Variants in DENND1B observed in about 807,000 individuals in gnomAD.
The protein encoded by DENND1B is DENN domain-containing protein 1B.
A neutral mutation model predicts 90.1 loss-of-function variants in DENND1B; 59 were observed. That is an observed-to-expected ratio of 0.65 (90% CI 0.53 to 0.81). The LOEUF (loss-of-function observed/expected upper bound fraction) is 0.81. Among genes scored for constraint, DENND1B ranks in the 40% least tolerant of loss-of-function variants. The probability of loss-of-function intolerance (pLI) is 0.00; values close to 1 mark genes in which losing one functional copy is unlikely to be tolerated. For synonymous variants in DENND1B, 337 were observed against 324.6 expected (o/e 1.04, Z -0.41); for missense variants, 862 against 912.6 (o/e 0.94, Z 0.71).
At chr1:197,627,973 G>T (rs1404959603) in intron 10 of DENND1B, among the ~76,000 whole-genome samples, 1 of 152,134 alleles carries the variant, frequency 6.6e-6, no homozygotes, top group Non-Finnish European at 1.5e-5. Context: ...TACAAGGGAT[G>T]TGAAGGACCT....
intron 20 of DENND1B, among the ~76,000 whole-genome samples, chr1:197,516,820 T>C (rs1197351107): frequency 6.6e-6 from 1 of 151,630 alleles, no homozygotes; most frequent in East Asian, 1.9e-4. Flanking sequence ...GGACCTGAAA[T>C]GTAAATGACT....
chr1:197,719,442 AAGAGG>A (rs1450923851), intron 2 of DENND1B, among the ~76,000 whole-genome samples: 1 of 152,156 alleles, frequency 6.6e-6, no homozygotes, highest in African/African-American at 2.4e-5. Context: ...GGAAAAAGAG[AAGAGG>A]AAAGACATAA....
chr1:197,575,646 G>A (rs61829284), intron 15 of DENND1B, among the ~76,000 whole-genome samples: 5 of 152,028 alleles, frequency 3.3e-5, no homozygotes, highest in Non-Finnish European at 5.9e-5. Flanking sequence ...TGTTTATTGC[G>A]GCACCATTCA....
chr1:197,553,863 G>A (rs1671460925), intron 15 of DENND1B, among the ~76,000 whole-genome samples: 2 of 152,012 alleles, frequency 1.3e-5, no homozygotes, highest in African/African-American at 4.8e-5. Flanking sequence ...ATTTTTCAGT[G>A]TTCTTAAAAA....
At chr1:197,748,614 T>G (rs1312668309) in intron 2 of DENND1B, among the ~76,000 whole-genome samples, 1 of 152,096 alleles carries the variant, frequency 6.6e-6, no homozygotes, top group Non-Finnish European at 1.5e-5. Context: ...CATCGGCTAT[T>G]GTGGGCTTTG....
chr1:197,724,310 A>G (rs1212942909), intron 2 of DENND1B, among the ~76,000 whole-genome samples: 1 of 152,142 alleles, frequency 6.6e-6, no homozygotes, highest in Non-Finnish European at 1.5e-5. Flanking sequence ...CAAAGAACCA[A>G]ATTAAACCAT....
intron 15 of DENND1B, among the ~76,000 whole-genome samples, chr1:197,574,896 A>C (rs1013975599): frequency 6.6e-6 from 1 of 152,202 alleles, no homozygotes; most frequent in African/African-American, 2.4e-5. Context: ...CATATGTAAA[A>C]AGCTGAAACT....
intron 2 of DENND1B, chr1:197,762,094 T>A (rs1655124221): frequency 1.3e-5 from 2 of 152,098 alleles, no homozygotes; most frequent in Admixed American, 1.3e-4. Flanking sequence ...TAGCAAGTAA[T>A]CATTGAACAC....
intron 2 of DENND1B, among the ~76,000 whole-genome samples, chr1:197,740,510 AT>A: frequency 6.6e-6 from 1 of 152,308 alleles, no homozygotes; most frequent in East Asian, 1.9e-4. Flanking sequence ...TTGTAGACAA[AT>A]TTCTATTACT....
At chr1:197,751,870 AAGG>A (rs925223696) in intron 2 of DENND1B, among the ~76,000 whole-genome samples, 8 of 141,798 alleles carry the variant, frequency 5.6e-5, no homozygotes, top group Admixed American at 2.1e-4. Flanking sequence ...GCAGGGGAAG[AAGG>A]AGGAGGAGGA....
intron 2 of DENND1B, among the ~76,000 whole-genome samples, chr1:197,725,264 C>G (rs1053863682): frequency 3.9e-5 from 6 of 152,088 alleles, no homozygotes; most frequent in Non-Finnish European, 8.8e-5. Context: ...ACATCGACAG[C>G]AGACTTCTCA....
At chr1:197,685,032 C>G (rs1255858670) in intron 3 of DENND1B, among the ~76,000 whole-genome samples, 4 of 151,992 alleles carry the variant, frequency 2.6e-5, no homozygotes, top group African/African-American at 9.7e-5. Context: ...GCAGGAGAAT[C>G]GCTTGAACCC....
At chr1:197,597,445 T>C (rs886295537) in intron 13 of DENND1B, among the ~76,000 whole-genome samples, 2 of 151,748 alleles carry the variant, frequency 1.3e-5, no homozygotes, top group Non-Finnish European at 2.9e-5. Flanking sequence ...AAAATTAAAA[T>C]GCACCTTACA....
chr1:197,749,830 GT>G (rs748688186), intron 2 of DENND1B, among the ~76,000 whole-genome samples: 1 of 151,822 alleles, frequency 6.6e-6, no homozygotes, highest in African/African-American at 2.4e-5. Flanking sequence ...AGTTTTTTGG[GT>G]TTTTTTGTTG....
In DENND1B at chr1:197,672,138, A is replaced by C; in HGVS notation, c.195T>G (p.Val65=). 1 of 1,610,390 alleles carries C rather than the reference A, an allele frequency of 6.2e-7. No individual in the cohort carries two copies. The highest frequency in any genetic ancestry group is 1.7e-4 in the Middle Eastern group (1 of 6,042). ...FDVERVSQNQ[V]GQHFTFVLTD... ...TCAGTACAAAGGTAAAGTGCTGTCC[A>C]ACTTGATTCTGAGACACCCTAAAAT... is the stretch of plus-strand genomic sequence containing the variant. Residue 65 remains valine (V), a synonymous_variant, in exon 5 of 23, where the codon GTT becomes GTG. Coordinates refer to ENST00000620048, the MANE Select transcript of DENND1B (RefSeq NM_001195215.2).
chr1:197,728,072 T>C (rs1661813238), intron 2 of DENND1B, among the ~76,000 whole-genome samples: 1 of 152,234 alleles, frequency 6.6e-6, no homozygotes, highest in Admixed American at 6.5e-5. Context: ...AATTATTTCC[T>C]ATATATCTAC....
At chr1:197,625,582 G>A (rs527948235) in intron 10 of DENND1B, among the ~76,000 whole-genome samples, 40 of 152,052 alleles carry the variant, frequency 2.6e-4, no homozygotes, top group African/African-American at 8.7e-4. Context: ...AAAGACCATC[G>A]AGGCTAGGAA....
chr1:197,553,063 TC>T lies in DENND1B; in HGVS notation c.1198del (p.Asp400MetfsTer38). On this transcript the variant is annotated frameshift_variant, in exon 16 of 23. Coordinates refer to ENST00000620048, the MANE Select transcript of DENND1B (RefSeq NM_001195215.2). LOFTEE classifies it high-confidence loss of function. Reference sequence around the variant, plus strand: ...TGAAGTGATCTCTTCTTCAAATACATCAGAGAAACCCCTTCCTGCATTTAGT... The same window carrying T: ...TGAAGTGATCTCTTCTTCAAATACATAGAGAAACCCCTTCCTGCATTTAGT... ...AKLNAGRGFS[D>X]VFEEEITSGG... The T allele has an allele frequency of 6.4e-7, 1 of 1,563,378 alleles. No individual in the cohort carries two copies. The highest frequency in any genetic ancestry group is 8.6e-7 in the Non-Finnish European group (1 of 1,161,582).
At chr1:197,551,068 C>T (rs1291595757) in intron 16 of DENND1B, among the ~76,000 whole-genome samples, 1 of 131,390 alleles carries the variant, frequency 7.6e-6, no homozygotes, top group Non-Finnish European at 1.6e-5. Flanking sequence ...CCTCTAGGAA[C>T]CATTTTATAA....
Sources: allele counts gnomAD v4.1 joint callset (sites outside exome capture counted in the v4.1 genomes callset), GRCh38; gene constraint gnomAD v4.1.1; transcripts MANE v1.5; gene names NCBI Gene and HGNC (gene_info 2026-07-23, HGNC 2026-07-21).